RRP1: variants seen among roughly 807,000 people sequenced by gnomAD.
RRP1 encodes ribosomal RNA processing protein 1 homolog A.
Under a neutral mutation model 54.6 loss-of-function variants are expected in RRP1, and 37 were observed. The observed-to-expected ratio is 0.68, with a 90% CI of 0.52 to 0.89. The LOEUF (loss-of-function observed/expected upper bound fraction) is 0.89, where lower values mean the gene tolerates loss of function less well. Ranked by LOEUF, RRP1 falls within the 40% of genes least tolerant of loss-of-function variation. The pLI, the probability that RRP1 is intolerant of heterozygous loss-of-function variation, is 0.00. For synonymous variants in RRP1, 262 were observed against 244.3 expected, an observed-to-expected ratio of 1.07 and a Z score of -0.67; for missense variants, 639 against 612.5, an observed-to-expected ratio of 1.04 and a Z score of -0.46.
Position 43,791,373 on chromosome 21 carries a change from C to T in RRP1, c.157C>T (p.Leu53=), listed in dbSNP as rs1274545546. 1.9e-6 allele frequency: 3 copies of T among 1,614,048 alleles called. No homozygotes were observed. The South Asian group carries it at 3.3e-5, about 18-fold the overall frequency. ...AAGGFTHDEL[L]KVWKGLFYCM... is the part of the protein sequence containing the mutation. ...AGGTGGTTTTACGCACGACGAGCTG[C>T]TGAAGGTGTGGAAAGGACTGTTTTA... The change falls in exon 2 of 13, where the codon CTG becomes TTG. Residue 53 remains leucine, a synonymous_variant. Coordinates refer to ENST00000497547, the MANE Select transcript of RRP1 (RefSeq NM_003683.6).
intron 9 of RRP1, among the ~76,000 whole-genome samples, chr21:43,800,255 CAGTGTGCCCCGCAGTGTGCATCTTCCAG>C (rs1395587920): frequency 2.6e-5 from 4 of 152,194 alleles, no homozygotes; most frequent in African/African-American, 7.2e-5. Flanking sequence ...GTGTGCCCTG[CAGTGTGCCCCGCAGTGTGCATCTTCCAG>C]AGTGTGCCCC....
intron 4 of RRP1, among the ~76,000 whole-genome samples, chr21:43,794,470 G>C (rs532859311): frequency 7.2e-5 from 11 of 152,270 alleles, no homozygotes; most frequent in South Asian, 2.1e-4. Flanking sequence ...AGGGTGTTGT[G>C]GGGGATAGGC....
chr21:43,801,652 T>G (rs574205672), intron 11 of RRP1, among the ~76,000 whole-genome samples: 52 of 152,218 alleles, frequency 3.4e-4, no homozygotes. Context: ...TTGTATTTTT[T>G]GTAGAGACAG....
Position 43,799,770 on chromosome 21 carries a change from C to T in RRP1, c.891+121C>T, listed in dbSNP as rs140608892. On this transcript the variant is annotated intron_variant, in intron 9 of 12. Coordinates refer to ENST00000497547, the MANE Select transcript of RRP1 (RefSeq NM_003683.6). ...GCAGCTGTTGGCATGGAGAGTTACC[C>T]GGACAGGGGTTAGCTTTGAAGGAGG... 8.6e-4 allele frequency: 790 copies of T among 918,522 alleles called. 6 individuals carry two copies. In the African/African-American group the frequency reaches 0.011, roughly 13 times the overall value. The allele number at this position is 918,522 out of a possible 1,614,324, so 56.9% of individuals were successfully genotyped here.
At position 43,793,197 on chromosome 21, in the gene RRP1, C is replaced by T. The variant is rs929781226; in HGVS notation, c.275-122C>T. The T allele has an allele frequency of 4.8e-6, 4 of 827,542 alleles. No homozygotes were observed. The African/African-American group carries it at 5.1e-5, about 11-fold the overall frequency. The allele number at this position is 827,542 out of a possible 1,614,324, so 51.3% of individuals were successfully genotyped here. A position where few individuals can be genotyped will look rare whatever the true frequency, so the allele number is the denominator to read the frequency against. On this transcript the variant is annotated intron_variant, in intron 3 of 12. Transcript: ENST00000497547. ...CAAGATCCAGTTCTGGGGGTAGGGC[C>T]TGGGCATCAGCATTTTTTATCTATA...
chr21:43,798,370 C>G (rs2085046294), intron 8 of RRP1, among the ~76,000 whole-genome samples: 1 of 152,122 alleles, frequency 6.6e-6, no homozygotes, highest in Middle Eastern at 3.2e-3. Flanking sequence ...TCAGTTGGCC[C>G]CCTAGACTCG....
At chr21:43,800,177 C>T (rs1408597867) in intron 9 of RRP1, among the ~76,000 whole-genome samples, 1 of 151,130 alleles carries the variant, frequency 6.6e-6, no homozygotes, top group Admixed American at 6.6e-5. Flanking sequence ...ATCAATTTAA[C>T]CTATGTTGTT....
At chr21:43,799,143 G>A (rs748898974) in intron 8 of RRP1, among the ~76,000 whole-genome samples, 32 of 152,008 alleles carry the variant, frequency 2.1e-4, no homozygotes, top group Non-Finnish European at 3.5e-4. Context: ...AGCCTAGCTC[G>A]AGCACCCAGC....
At chr21:43,803,291 C>G (rs919707640) in intron 12 of RRP1, among the ~76,000 whole-genome samples, 1 of 152,250 alleles carries the variant, frequency 6.6e-6, no homozygotes, top group African/African-American at 2.4e-5. Flanking sequence ...TCTCATGACC[C>G]TGTCCTCACG....
chr21:43,802,580 C>T, intron 12 of RRP1, 193 bp downstream of exon 12: 1 of 569,292 alleles, frequency 1.8e-6, no homozygotes, highest in South Asian at 1.9e-5. Context: ...CCTGCCTCCC[C>T]CACCCACCTT....
chr21:43,790,461 CT>C (rs1478323352), intron 1 of RRP1: 1 of 153,862 alleles, frequency 6.5e-6, no homozygotes, highest in Non-Finnish European at 1.4e-5. Context: ...CTGGCATCTG[CT>C]TTATGAAGCT....
Position 43,789,725 on chromosome 21 carries a change from C to T in RRP1, c.96C>T (p.Leu32=). ...CCCGGGACCGGGCGGTGAGGAAGCT[C>T]CGGAAATACATCGTCGCCAGGACTC... ...QVTRDRAVRK[L]RKYIVARTQR... is the part of the protein sequence containing the mutation. Residue 32 remains leucine, a synonymous_variant, in exon 1 of 13, where the codon CTC becomes CTT. Coordinates refer to ENST00000497547, the MANE Select transcript of RRP1 (RefSeq NM_003683.6). 6.5e-7 allele frequency: 1 copy of T among 1,543,006 alleles called. No individual in the cohort carries two copies. The highest frequency in any genetic ancestry group is 1.2e-5 in the South Asian group (1 of 83,674).
At chr21:43,799,773 A>C (rs2085065400) in intron 9 of RRP1, 124 bp downstream of exon 9, 2 of 905,850 alleles carry the variant, frequency 2.2e-6, no homozygotes, top group Non-Finnish European at 3.4e-6. Flanking sequence ...AGTTACCCGG[A>C]CAGGGGTTAG....
intron 10 of RRP1, 55 bp from the exon 11 acceptor site, chr21:43,800,807 C>T (rs2085081248): frequency 1.9e-6 from 3 of 1,610,296 alleles, no homozygotes; most frequent in East Asian, 2.2e-5. Context: ...CTGGAGCTTC[C>T]TCCTCCTGCG....
chr21:43,797,827 AG>A (rs2085038208), intron 7 of RRP1, 79 bp from the exon 8 acceptor site: 1 of 1,564,988 alleles, frequency 6.4e-7, no homozygotes, highest in South Asian at 1.1e-5. Flanking sequence ...GGGTGGGGAG[AG>A]GTTGCAGGGG....
intron 9 of RRP1, 85 bp from the exon 10 acceptor site, chr21:43,800,432 C>T: frequency 8.0e-7 from 1 of 1,256,526 alleles, no homozygotes. Context: ...GGACCAAGTG[C>T]TATCTGGGTC....
chr21:43,792,639 G>A (rs906359856), intron 2 of RRP1, 33 bp from the exon 3 acceptor site: 2 of 1,612,156 alleles, frequency 1.2e-6, no homozygotes, highest in East Asian at 2.2e-5. Context: ...GGTGCTTCAG[G>A]GGCTGAGGGC....
At chr21:43,800,284 AGT>A (rs2085072002) in intron 9 of RRP1, among the ~76,000 whole-genome samples, 1 of 151,834 alleles carries the variant, frequency 6.6e-6, no homozygotes, top group African/African-American at 2.4e-5. Context: ...CATCTTCCAG[AGT>A]GTGCCCCGCA....
chr21:43,792,552 T>C (rs2084971275), intron 2 of RRP1, 120 bp from the exon 3 acceptor site: 1 of 991,162 alleles, frequency 1.0e-6, no homozygotes, highest in Non-Finnish European at 1.6e-6. Flanking sequence ...TGAGACCCCC[T>C]GGAAGCCGAC....
Sources: allele counts gnomAD v4.1 joint callset (sites outside exome capture counted in the v4.1 genomes callset), GRCh38; gene constraint gnomAD v4.1.1; transcripts MANE v1.5; gene names NCBI Gene and HGNC (gene_info 2026-07-23, HGNC 2026-07-21).